Variants in CCNJL observed in about 807,000 individuals in gnomAD.
CCNJL encodes cyclin-J-like protein.
In CCNJL, 33 loss-of-function variants were observed where a neutral mutation model predicts 33.4. That is an observed-to-expected ratio of 0.99 (90% CI 0.75 to 1.32). The LOEUF (loss-of-function observed/expected upper bound fraction) is 1.32. Ranked by LOEUF, CCNJL falls within the 40% of genes most tolerant of loss-of-function variation. CCNJL has a pLI of 0.00. For synonymous variants in CCNJL, 227 were observed against 220.9 expected (o/e 1.03, Z -0.24); for missense variants, 512 against 499.7 (o/e 1.02, Z -0.23).
At chr5:160,319,406 T>C (rs1763414119) in intron 1 of CCNJL, among the ~76,000 whole-genome samples, 1 of 152,212 alleles carries the variant, frequency 6.6e-6, no homozygotes, top group Non-Finnish European at 1.5e-5. Context: ...GCGGCATGCT[T>C]AGCTTATGCC....
chr5:160,259,718 T>C lies in CCNJL; in HGVS notation c.334A>G (p.Thr112Ala). Residue 112 changes from threonine (T) to alanine (A), a missense_variant, in exon 4 of 6, where the codon ACG (threonine) becomes GCG (alanine). Coordinates refer to ENST00000257536, the MANE Select transcript of CCNJL (RefSeq NM_001308173.3). ...AAGTTCTGGCTGCTCAGGATCCTCG[T>C]GCTGTTTATTTGCTCCAACTTGGGG... ...HVPKLEQINS[T>A]RILSSQNFTL... 3 of 1,613,988 alleles carry C rather than the reference T, an allele frequency of 1.9e-6. No homozygotes were observed. The highest frequency in any genetic ancestry group is 2.5e-6 in the Non-Finnish European group (3 of 1,179,892).
chr5:160,306,354 A>C (rs988581147), intron 2 of CCNJL, among the ~76,000 whole-genome samples: 2 of 152,108 alleles, frequency 1.3e-5, no homozygotes, highest in African/African-American at 4.8e-5. Context: ...GAAGTGGGAA[A>C]AAATGCATTA....
chr5:160,320,996 T>C (rs866950512), intron 1 of CCNJL, among the ~76,000 whole-genome samples: 17 of 97,100 alleles, frequency 1.8e-4, no homozygotes, highest in South Asian at 4.1e-4. Flanking sequence ...CTTTCTTTCT[T>C]TCTCTCTCTC....
intron 1 of CCNJL, among the ~76,000 whole-genome samples, chr5:160,321,942 T>A (rs535657198): frequency 6.6e-6 from 1 of 152,112 alleles, no homozygotes; most frequent in South Asian, 2.1e-4. Flanking sequence ...GTGATATTGA[T>A]GGAATGGTCT....
chr5:160,321,028 T>C (rs59527956), intron 1 of CCNJL, among the ~76,000 whole-genome samples: 334 of 26,376 alleles, frequency 0.013, 1 homozygote, highest in Non-Finnish European at 0.015. Flanking sequence ...CTTTCTTTCT[T>C]TCTTTCTTTC....
At chr5:160,266,599 T>C (rs942407846) in intron 3 of CCNJL, among the ~76,000 whole-genome samples, 22 of 152,098 alleles carry the variant, frequency 1.4e-4, no homozygotes, top group African/African-American at 5.1e-4. Flanking sequence ...CCACACCTCA[T>C]AGGGCAGTAG....
chr5:160,332,203 T>G (rs920297537), intron 1 of CCNJL, among the ~76,000 whole-genome samples: 1 of 152,104 alleles, frequency 6.6e-6, no homozygotes, highest in Non-Finnish European at 1.5e-5. Context: ...CACCTCTGCC[T>G]CCTCTTACTG....
intron 2 of CCNJL, among the ~76,000 whole-genome samples, chr5:160,284,287 G>A (rs529528838): frequency 1.1e-3 from 171 of 152,186 alleles, no homozygotes; most frequent in African/African-American, 3.6e-3. Context: ...AGGAGGAGGA[G>A]GCTGCAGTGA....
Position 160,320,845 on chromosome 5 carries a change from CTTT to C in CCNJL, n.207-5343_207-5341del, listed in dbSNP as rs1561812533. 4.0e-3 allele frequency among the ~76,000 whole-genome samples: 325 copies of C among 81,828 alleles called. 2 individuals are homozygous for C. Among genetic ancestry groups the C allele is most frequent in the Non-Finnish European group, 6.1e-3 (216 of 35,518 alleles). The allele number at this position is 81,828 out of a possible 152,430, so 53.7% of individuals were successfully genotyped here. On this transcript the variant is annotated intron_variant and non_coding_transcript_variant, in intron 1 of 7. Coordinates refer to the CCNJL transcript ENST00000377503. ...TCTTTCTTTCTTTCTTTCTTTCTTT[CTTT>C]CCTTCTTTCTTTCTTTCTTTCTCTC...
chr5:160,286,652 GAA>G (rs1164358716), intron 2 of CCNJL, among the ~76,000 whole-genome samples: 1 of 151,744 alleles, frequency 6.6e-6, no homozygotes, highest in East Asian at 1.9e-4. Flanking sequence ...AAAAAGCAAA[GAA>G]AAGAAAAAAG....
intron 2 of CCNJL, among the ~76,000 whole-genome samples, chr5:160,293,235 AT>A (rs1762643167): frequency 6.6e-6 from 1 of 152,196 alleles, no homozygotes; most frequent in Non-Finnish European, 1.5e-5. Context: ...CCTGGCCAAC[AT>A]GGTGAAACCC....
intron 3 of CCNJL, among the ~76,000 whole-genome samples, chr5:160,277,686 C>T (rs571679738): frequency 9.0e-4 from 136 of 151,118 alleles, no homozygotes; most frequent in African/African-American, 3.2e-3. Context: ...CCCTGTTGGA[C>T]GGGGCAGAAG....
rs1035143534 is a variant in CCNJL at position 160,249,141 on chromosome 5, G to A, written c.*4237C>T. 2 of 152,198 alleles carry A rather than the reference G, an allele frequency of 1.3e-5. No individual in the cohort carries two copies. Among genetic ancestry groups the A allele is most frequent in the Non-Finnish European group, 2.9e-5 (2 of 68,040 alleles). The allele number at this position is 152,198 out of a possible 1,614,324, so 9.4% of individuals were successfully genotyped here. A position where few individuals can be genotyped will look rare whatever the true frequency, so the allele number is the denominator to read the frequency against. On this transcript the variant is annotated 3_prime_UTR_variant, in exon 6 of 6. Coordinates refer to ENST00000257536, the MANE Select transcript of CCNJL (RefSeq NM_001308173.3). ...TTTGCCTAGTGTATTTCATGAGGAG[G>A]TCAGCTCATTTGCTCCCATTTGAAC...
At chr5:160,293,684 C>T (rs1762658797) in intron 2 of CCNJL, among the ~76,000 whole-genome samples, 1 of 152,182 alleles carries the variant, frequency 6.6e-6, no homozygotes, top group South Asian at 2.1e-4. Context: ...GCTATCTCCC[C>T]ACACCCACCC....
chr5:160,337,010 T>C (rs1379443511), intron 1 of CCNJL, among the ~76,000 whole-genome samples: 3 of 142,886 alleles, frequency 2.1e-5, no homozygotes, highest in Non-Finnish European at 1.5e-5. Context: ...TTTCTTTTTT[T>C]TTTTTTTTTT....
At position 160,259,447 on chromosome 5, in the gene CCNJL, G is replaced by C. The variant is rs114604098; in HGVS notation, c.583+22C>G. ...TGGTGGGGAAGGGGTGGGAGGTCCT[G>C]CCATCGGGTCCCAGCTGTCACCTTG... is the stretch of plus-strand genomic sequence containing the variant. On this transcript the variant is annotated intron_variant, in intron 4 of 5. Coordinates refer to ENST00000257536, the MANE Select transcript of CCNJL (RefSeq NM_001308173.3). 6.6e-4 allele frequency: 1,050 copies of C among 1,590,816 alleles called. 4 individuals are homozygous for C. In the African/African-American group the frequency reaches 0.012, roughly 19 times the overall value.
At chr5:160,261,093 G>C (rs1377264282) in intron 3 of CCNJL, 1 of 152,400 alleles carries the variant, frequency 6.6e-6, no homozygotes, top group Non-Finnish European at 1.5e-5. Context: ...GCTCCCAGCT[G>C]CAAGTGCCTC....
chr5:160,258,732 C>T, intron 4 of CCNJL: 1 of 677,162 alleles, frequency 1.5e-6, no homozygotes, highest in South Asian at 1.6e-5. Flanking sequence ...GAGTCTCGCT[C>T]TGTTGCCAGG....
intron 2 of CCNJL, among the ~76,000 whole-genome samples, chr5:160,283,530 C>G (rs766596243): frequency 6.6e-6 from 1 of 152,074 alleles, no homozygotes; most frequent in Non-Finnish European, 1.5e-5. Flanking sequence ...TTGTGTGGTA[C>G]AGGAGACGTT....
Sources: gnomAD v4.1 joint callset for allele counts (sites outside exome capture counted in the v4.1 genomes callset) on GRCh38, gnomAD v4.1.1 for gene constraint, MANE v1.5 for transcripts, NCBI Gene and HGNC (gene_info 2026-07-23, HGNC 2026-07-21) for gene names.